Variants in ZNF839 observed in about 807,000 individuals in gnomAD.
ZNF839 encodes renal carcinoma antigen NY-REN-50.
In ZNF839, 38 loss-of-function variants were observed where a neutral mutation model predicts 56.4. The ratio of observed to expected loss-of-function variants is 0.67; its 90% CI spans 0.52 to 0.88. ZNF839 has a LOEUF of 0.88. Ranked by LOEUF, ZNF839 falls within the 40% of genes least tolerant of loss-of-function variation. The pLI is 0.00. For missense variants in ZNF839, 1,091 were observed against 1,177.6 expected, an observed-to-expected ratio of 0.93 and a Z score of 1.08; for synonymous variants, 486 against 493.5, an observed-to-expected ratio of 0.98 and a Z score of 0.20.
rs1262756124 is a variant in ZNF839 at position 102,339,203 on chromosome 14, C to T, written c.1907C>T (p.Pro636Leu). 1.2e-6 allele frequency: 2 copies of T among 1,611,676 alleles called. No individual in the cohort carries two copies. The highest frequency in any genetic ancestry group is 1.7e-6 in the Non-Finnish European group (2 of 1,178,910). ...ANSRGREKPRPLHALAAGFSP... is the reference protein window; with the variant it reads ...ANSRGREKPRLLHALAAGFSP... ...AGCAGAGGCCGGGAGAAGCCCAGGCCCTTGCATGCTTTGGCCGCTGGTGAG... is the reference window on the plus strand; with the variant it reads ...AGCAGAGGCCGGGAGAAGCCCAGGCTCTTGCATGCTTTGGCCGCTGGTGAG... The change falls in exon 7 of 8, where the codon CCC becomes CTC. Residue 636 changes from proline (P) to leucine (L), a missense_variant. By Grantham distance (98) the Pro-to-Leu change is moderately conservative (BLOSUM62 -3). This residue lies in a region of ZNF839 where 431 missense variants were observed against 468.0 expected (regional missense o/e 0.92). Coordinates refer to ENST00000442396, the MANE Select transcript of ZNF839 (RefSeq NM_018335.6).
chr14:102,319,036 A>G (rs116933101), upstream of ZNF839, among the ~76,000 whole-genome samples: 575 of 152,328 alleles, frequency 3.8e-3, 3 homozygotes, highest in Non-Finnish European at 6.7e-3. The surrounding 1 kb of genome is among the most constrained non-coding windows in gnomAD (Gnocchi z 4.5). Context: ...CAGAGCCTCA[A>G]CCGTAAGAAG....
intron 2 of ZNF839, among the ~76,000 whole-genome samples, chr14:102,330,104 C>T (rs531106060): frequency 6.6e-6 from 1 of 151,908 alleles, no homozygotes; most frequent in South Asian, 2.1e-4. Context: ...CTCAGATTTT[C>T]TACTTCTTTG....
chr14:102,333,606 T>C (rs1165386638), intron 3 of ZNF839, among the ~76,000 whole-genome samples: 9 of 152,106 alleles, frequency 5.9e-5, no homozygotes, highest in Non-Finnish European at 1.0e-4. Flanking sequence ...TCAGAAGACT[T>C]CCTGTTTCTA....
At chr14:102,329,459 A>C (rs190788152) in intron 2 of ZNF839, among the ~76,000 whole-genome samples, 2 of 152,050 alleles carry the variant, frequency 1.3e-5, no homozygotes, top group African/African-American at 4.8e-5. Context: ...ATCTCAGCTC[A>C]CTGCAACCTC....
At chr14:102,327,101 A>G (rs1188198353) in intron 2 of ZNF839, among the ~76,000 whole-genome samples, 2 of 151,946 alleles carry the variant, frequency 1.3e-5, no homozygotes, top group Admixed American at 6.6e-5. Flanking sequence ...GGCGCCTCAT[A>G]TGGCCACAGC....
intron 7 of ZNF839, among the ~76,000 whole-genome samples, chr14:102,340,843 G>A (rs978784234): frequency 2.6e-5 from 4 of 152,048 alleles, no homozygotes; most frequent in Non-Finnish European, 4.4e-5. Context: ...AGGCTGAGTC[G>A]GGTGGCTCAC....
upstream of ZNF839, among the ~76,000 whole-genome samples, chr14:102,318,272 T>A (rs1276848247): frequency 6.6e-6 from 1 of 152,240 alleles, no homozygotes; most frequent in Non-Finnish European, 1.5e-5. Flanking sequence ...TCAAGTTTCC[T>A]GAGCTTGAAG....
In ZNF839 at chr14:102,341,775, G is replaced by C; in HGVS notation, c.2380G>C (p.Glu794Gln). 1 of 1,614,044 alleles carries C rather than the reference G, an allele frequency of 6.2e-7. No homozygotes were observed. Among genetic ancestry groups the C allele is most frequent in the Non-Finnish European group, 8.5e-7 (1 of 1,179,898 alleles). ...QPSPTSVLPTEVAAPPLEKIL... is the reference protein window; with the variant it reads ...QPSPTSVLPTQVAAPPLEKIL... ...CAGCCCCACCAGCGTCCTGCCTACA[G>C]AGGTGGCAGCCCCTCCGCTTGAGAA... Residue 794 changes from glutamate to glutamine, a missense_variant, in exon 8 of 8, where the codon GAG becomes CAG. By Grantham distance (29) the Glu-to-Gln change is conservative (BLOSUM62 2). This residue lies in a region of ZNF839 where 431 missense variants were observed against 468.0 expected (regional missense o/e 0.92). Transcript: ENST00000442396.
Position 102,341,741 on chromosome 14 carries a change from C to CCAG in ZNF839, c.2351_2353dup (p.Gln784dup). The CCAG allele has an allele frequency of 6.2e-7, 1 of 1,614,004 alleles. No individual in the cohort carries two copies. Among genetic ancestry groups the CCAG allele is most frequent in the Non-Finnish European group, 8.5e-7 (1 of 1,179,884 alleles). ...AGGTTTGTGACTTCCACCTGAACCA[C>CCAG]CAGCAGCCCAGCCCCACCAGCGTCC... is the stretch of plus-strand genomic sequence containing the variant. On this transcript the variant is annotated inframe_insertion, in exon 8 of 8. Transcript: ENST00000442396.
In ZNF839 at chr14:102,332,469, C is replaced by G. The variant is rs751960174; in HGVS notation, c.1416+623C>G. Among the ~76,000 whole-genome samples the G allele has an allele frequency of 2.6e-5, 4 of 151,928 alleles. No individual in the cohort carries two copies. The highest frequency in any genetic ancestry group is 4.4e-5 in the Non-Finnish European group (3 of 68,002). Reference sequence around the variant, plus strand: ...TCTTGACTTACAGATGATAATTTCTCCAGAAATGGATATTAATTTATACAT... The same window carrying G: ...TCTTGACTTACAGATGATAATTTCTGCAGAAATGGATATTAATTTATACAT... On this transcript the variant is annotated intron_variant, in intron 3 of 7. Transcript: ENST00000442396. The surrounding 1 kb of genome is among the most constrained non-coding windows in gnomAD (Gnocchi z 4.9).
Position 102,339,825 on chromosome 14 carries a change from G to A in ZNF839, c.1927+602G>A, listed in dbSNP as rs572436441. 9.8e-3 allele frequency among the ~76,000 whole-genome samples: 742 copies of A among 75,868 alleles called. 2 individuals are homozygous for A. Among genetic ancestry groups the A allele is most frequent in the Non-Finnish European group, 0.019 (605 of 32,340 alleles). 49.8% of individuals were successfully genotyped at this position (75,868 alleles called of 152,430 possible). Reference sequence around the variant, plus strand: ...GTCCCAAGAGGTTAGGCTGAGACGGGTCCCAGGACACATCCATCTATGGCT... The same window carrying A: ...GTCCCAAGAGGTTAGGCTGAGACGGATCCCAGGACACATCCATCTATGGCT... On this transcript the variant is annotated intron_variant, in intron 7 of 7. Transcript: ENST00000442396.
rs2073441822 is a variant in ZNF839 at position 102,326,866 on chromosome 14, G to A, written c.1170G>A (p.Glu390=). The change falls in exon 2 of 8, where the codon GAG becomes GAA. Residue 390 remains glutamate, a synonymous_variant. Transcript: ENST00000442396. This position sits in a 1 kb window ranked among gnomAD's most constrained non-coding sequence, Gnocchi z 4.3. ...GGGCCCGCTCCTGCTTGGTGACAGA[G>A]TCAGCACGCGGTGGCCTGCAGGTAA... ...EGGARSCLVT[E]SARGGLQNGQ... 2 of 1,603,938 alleles carry A rather than the reference G, an allele frequency of 1.2e-6. No homozygotes were observed. The highest frequency in any genetic ancestry group is 1.3e-5 in the African/African-American group (1 of 74,714).
intron 5 of ZNF839, chr14:102,336,625 G>A: frequency 2.3e-6 from 1 of 433,958 alleles, no homozygotes; most frequent in South Asian, 1.7e-5. Context: ...AGCAATAAAT[G>A]CTCTTCCAGA....
intron 7 of ZNF839, 38 bp downstream of exon 7, chr14:102,339,261 C>T: frequency 6.3e-7 from 1 of 1,595,234 alleles, no homozygotes; most frequent in Non-Finnish European, 8.5e-7. Context: ...GTATCCATGG[C>T]CTGGCAGCCC....
rs1886621109 is a variant in ZNF839, at chr14:102,342,222, AG to A, written c.*44del. 4.3e-6 allele frequency: 3 copies of A among 699,272 alleles called. No homozygotes were observed. Among genetic ancestry groups the A allele is most frequent in the Admixed American group, 3.2e-5 (1 of 30,858 alleles). The allele number at this position is 699,272 out of a possible 1,614,324, so 43.3% of individuals were successfully genotyped here. A position where few individuals can be genotyped will look rare whatever the true frequency, so the allele number is the denominator to read the frequency against. ...GCTGTGGAGTCGGTCGTCACCGTGG[AG>A]CCAGAGCCCTCACAGTGAAGTGGAG... On this transcript the variant is annotated 3_prime_UTR_variant, in exon 8 of 8. Coordinates refer to ENST00000442396, the MANE Select transcript of ZNF839 (RefSeq NM_018335.6).
chr14:102,328,354 CAAAAAA>C (rs1158691824), intron 2 of ZNF839, among the ~76,000 whole-genome samples: 22 of 28,884 alleles, frequency 7.6e-4, no homozygotes, highest in East Asian at 5.2e-3. Flanking sequence ...AACTCCATCT[CAAAAAA>C]AAAAAAAAAA....
In ZNF839 at chr14:102,326,826, A is replaced by G. The variant is rs2073438033; in HGVS notation, c.1130A>G (p.Asp377Gly). ...TCCCTGGGGCTGTCCATGCCAGCGG[A>G]TCCATGTGAGGGAGGGGCCCGCTCC... ...LTSLGLSMPA[D>G]PCEGGARSCL... Residue 377 changes from aspartate to glycine, a missense_variant, in exon 2 of 8, where the codon GAT becomes GGT. Asp to Gly is a moderately conservative substitution (Grantham distance 94). Transcript: ENST00000442396. This position sits in a 1 kb window ranked among gnomAD's most constrained non-coding sequence, Gnocchi z 4.3. The G allele has an allele frequency of 6.2e-7, 1 of 1,611,208 alleles. No homozygotes were observed. The highest frequency in any genetic ancestry group is 8.5e-7 in the Non-Finnish European group (1 of 1,178,690).
intron 1 of ZNF839, among the ~76,000 whole-genome samples, 160 bp from the exon 2 acceptor site, chr14:102,325,825 C>G (rs922000596): frequency 2.6e-5 from 4 of 152,106 alleles, no homozygotes; most frequent in African/African-American, 9.7e-5. Context: ...TCAGAAAGGT[C>G]TGGAAAATAC....
Position 102,326,153 on chromosome 14 carries a change from G to T in ZNF839, c.457G>T (p.Val153Leu). ...LHIASPQLLRVQPLVRTEPQS... is the reference protein window; with the variant it reads ...LHIASPQLLRLQPLVRTEPQS... ...TATCGCCAGCCCTCAGCTGCTCAGGGTACAGCCGCTTGTGAGAACCGAGCC... is the reference window on the plus strand; with the variant it reads ...TATCGCCAGCCCTCAGCTGCTCAGGTTACAGCCGCTTGTGAGAACCGAGCC... The change falls in exon 2 of 8, where the codon GTA becomes TTA. Residue 153 changes from valine (V) to leucine (L), a missense_variant. Coordinates refer to ENST00000442396, the MANE Select transcript of ZNF839 (RefSeq NM_018335.6). This position sits in a 1 kb window ranked among gnomAD's most constrained non-coding sequence, Gnocchi z 4.3. The T allele has an allele frequency of 6.2e-7, 1 of 1,613,788 alleles. No homozygotes were observed. The highest frequency in any genetic ancestry group is 1.6e-4 in the Middle Eastern group (1 of 6,062).
Sources: allele counts gnomAD v4.1 joint callset (sites outside exome capture counted in the v4.1 genomes callset), GRCh38; gene constraint gnomAD v4.1.1; regional missense constraint gnomAD v4.1.1; non-coding constraint Gnocchi (gnomAD v3.1); transcripts MANE v1.5; gene names NCBI Gene and HGNC (gene_info 2026-07-23, HGNC 2026-07-21).